The following RSPRY1 variants were observed in gnomAD, a reference collection of about 807,000 sequenced individuals.
RSPRY1 encodes the protein RING finger and SPRY domain-containing protein 1.
RSPRY1 carries 23 observed loss-of-function variants against 73.1 expected under a neutral mutation model. The ratio of observed to expected loss-of-function variants is 0.31; its 90% CI spans 0.23 to 0.45. The LOEUF (loss-of-function observed/expected upper bound fraction) is 0.45. Ranked by LOEUF, RSPRY1 falls within the 20% of genes least tolerant of loss-of-function variation. RSPRY1 has a pLI of 1.00. For synonymous variants in RSPRY1, 226 were observed against 251.4 expected (o/e 0.90, Z 0.95); for missense variants, 448 against 698.7 (o/e 0.64, Z 4.05).
chr16:57,225,120 A>G (rs1427124458), intron 10 of RSPRY1, among the ~76,000 whole-genome samples: 1 of 152,238 alleles, frequency 6.6e-6, no homozygotes, highest in African/African-American at 2.4e-5. Flanking sequence ...GTGCAGTGGC[A>G]CGTGATCTCT....
At chr16:57,208,379 TA>T (rs1202013912) in intron 3 of RSPRY1, among the ~76,000 whole-genome samples, 14 of 87,284 alleles carry the variant, frequency 1.6e-4, no homozygotes, top group South Asian at 4.0e-4. Context: ...AGATTATTTA[TA>T]TATATATATA....
intron 1 of RSPRY1, among the ~76,000 whole-genome samples, chr16:57,189,376 T>C (rs2074310478): frequency 6.6e-6 from 1 of 152,082 alleles, no homozygotes; most frequent in Admixed American, 6.6e-5. Flanking sequence ...GTCAGCAAAA[T>C]AACTTTTCAT....
chr16:57,239,039 G>T lies in RSPRY1; in HGVS notation c.*64G>T. ...TTCCAGCCAATGTTGAAAAGAAAAA[G>T]AAAAAAAAAACTCTCTAATCAGTTG... On this transcript the variant is annotated 3_prime_UTR_variant, in exon 15 of 15. Transcript: ENST00000394420. 13 of 754,226 alleles carry T rather than the reference G, an allele frequency of 1.7e-5. No homozygotes were observed. Among genetic ancestry groups the T allele is most frequent in the Admixed American group, 3.0e-5 (1 of 33,190 alleles). The allele number at this position is 754,226 out of a possible 1,614,324, so 46.7% of individuals were successfully genotyped here. A position where few individuals can be genotyped will look rare whatever the true frequency, so the allele number is the denominator to read the frequency against.
intron 11 of RSPRY1, among the ~76,000 whole-genome samples, chr16:57,229,690 CTTTTTTTTTTTTTTT>C (rs1162737560): frequency 1.4e-4 from 6 of 42,102 alleles, no homozygotes; most frequent in African/African-American, 5.9e-4. Context: ...AAGATAAATG[CTTTTTTTTTTTTTTT>C]TTTTTTTTTT....
In RSPRY1 at chr16:57,216,124, C is replaced by G; in HGVS notation, c.720C>G (p.Pro240=). ...TTTTTCAGAAGTTACAGTCCCACCC[C>G]ACAGTCATGCTTTTTGCACTTATCG... ...LLQCLKLQSH[P]TVMLFALIAL... The change falls in exon 7 of 15, where the codon CCC becomes CCG. Residue 240 remains proline (P), a synonymous_variant. Coordinates refer to ENST00000394420, the MANE Select transcript of RSPRY1 (RefSeq NM_133368.3). 1 of 1,612,064 alleles carries G rather than the reference C, an allele frequency of 6.2e-7. No homozygotes were observed. Among genetic ancestry groups the G allele is most frequent in the Non-Finnish European group, 8.5e-7 (1 of 1,178,952 alleles).
intron 4 of RSPRY1, among the ~76,000 whole-genome samples, chr16:57,212,056 A>C (rs2074853593): frequency 6.6e-6 from 1 of 152,222 alleles, no homozygotes; most frequent in Non-Finnish European, 1.5e-5. Context: ...TCATGCCTAT[A>C]ATCCCAAAAC....
intron 1 of RSPRY1, among the ~76,000 whole-genome samples, chr16:57,202,156 AAAAAAAT>A (rs1440334363): frequency 3.9e-5 from 6 of 151,966 alleles, no homozygotes; most frequent in African/African-American, 9.7e-5. Flanking sequence ...CCCCATCTCT[AAAAAAAT>A]AAAAAATAAA....
intron 3 of RSPRY1, among the ~76,000 whole-genome samples, chr16:57,208,393 TATA>T (rs1320507329): frequency 1.2e-3 from 129 of 106,780 alleles, no homozygotes; most frequent in East Asian, 4.3e-3. Context: ...TATATATATA[TATA>T]TATATTTTTT....
In RSPRY1 at chr16:57,220,735, T is replaced by C. The variant is rs1245842785; in HGVS notation, c.905T>C (p.Leu302Ser). The change falls in exon 9 of 15, where the codon TTA becomes TCA. Residue 302 changes from leucine (L) to serine (S), a missense_variant. Coordinates refer to ENST00000394420, the MANE Select transcript of RSPRY1 (RefSeq NM_133368.3). Reference protein sequence around the residue: ...CAQWSLDNLFLKEGRQLTYEK... With the variant: ...CAQWSLDNLFSKEGRQLTYEK... ...ATGAACACTCTTTCTTTTGCAGTTT[T>C]AAAAGAAGGTAGACAGCTGACCTAT... 2 of 1,604,914 alleles carry C rather than the reference T, an allele frequency of 1.2e-6. No individual in the cohort carries two copies. The highest frequency in any genetic ancestry group is 2.2e-5 in the East Asian group (1 of 44,810).
chr16:57,226,573 TA>T (rs1372689056), intron 10 of RSPRY1, among the ~76,000 whole-genome samples: 1 of 152,210 alleles, frequency 6.6e-6, no homozygotes, highest in Non-Finnish European at 1.5e-5. Flanking sequence ...CATGACATTG[TA>T]AAGTGTCATG....
chr16:57,236,318 A>G (rs2075298953), intron 14 of RSPRY1, among the ~76,000 whole-genome samples: 1 of 152,264 alleles, frequency 6.6e-6, no homozygotes, highest in African/African-American at 2.4e-5. Context: ...GTGCTGAAAT[A>G]TAAAACTTTA....
chr16:57,221,761 A>G (rs6499874), intron 10 of RSPRY1, among the ~76,000 whole-genome samples: 145,552 of 152,328 alleles, frequency 0.96, 69,571 homozygotes, highest in Middle Eastern at 0.99. Flanking sequence ...ATTACCTTGA[A>G]TTGAAGCTCT....
chr16:57,210,741 G>A (rs550861792), intron 4 of RSPRY1, among the ~76,000 whole-genome samples: 1 of 152,130 alleles, frequency 6.6e-6, no homozygotes, highest in East Asian at 1.9e-4. Context: ...ATTTAGGTTG[G>A]GCGCAGTGGC....
intron 12 of RSPRY1, 51 bp downstream of exon 12, chr16:57,230,864 T>A (rs773864146): frequency 2.9e-6 from 3 of 1,042,178 alleles, no homozygotes; most frequent in Admixed American, 1.9e-5. Flanking sequence ...GGAATGCCCT[T>A]TTCTCTAGGA....
At chr16:57,210,339 C>G (rs1279369545) in intron 4 of RSPRY1, among the ~76,000 whole-genome samples, 2 of 152,116 alleles carry the variant, frequency 1.3e-5, no homozygotes, top group Non-Finnish European at 2.9e-5. Flanking sequence ...CTTGGCTTCT[C>G]AAAGTGTTGG....
chr16:57,228,018 T>C (rs1442195735), intron 11 of RSPRY1, among the ~76,000 whole-genome samples: 1 of 152,128 alleles, frequency 6.6e-6, no homozygotes, highest in Non-Finnish European at 1.5e-5. Flanking sequence ...TTAGGCATGC[T>C]AAGAAAGCAG....
At chr16:57,207,308 T>G (rs2074744333) in intron 2 of RSPRY1, among the ~76,000 whole-genome samples, 2 of 151,826 alleles carry the variant, frequency 1.3e-5, no homozygotes, top group African/African-American at 4.8e-5. Flanking sequence ...TGACTTAAGA[T>G]GATAGTTTTT....
intron 4 of RSPRY1, among the ~76,000 whole-genome samples, chr16:57,212,021 C>T (rs1391052862): frequency 6.6e-6 from 1 of 152,218 alleles, no homozygotes; most frequent in Admixed American, 6.5e-5. Flanking sequence ...TTGCCTTCAA[C>T]TCTGTTGGGG....
chr16:57,238,962 C>T lies in RSPRY1; in HGVS notation c.1718C>T (p.Ser573Phe). ...ATAGTATCTAGAATCAGACAGATTT[C>T]TCATATTTCATGACACATGTGAAGA... ...KEIVSRIRQI[S>F]HIS Residue 573 changes from serine to phenylalanine, a missense_variant, in exon 15 of 15, where the codon TCT (serine) becomes TTT (phenylalanine). Coordinates refer to ENST00000394420, the MANE Select transcript of RSPRY1 (RefSeq NM_133368.3). The T allele has an allele frequency of 6.3e-7, 1 of 1,594,572 alleles. No individual in the cohort carries two copies. Among genetic ancestry groups the T allele is most frequent in the Non-Finnish European group, 8.6e-7 (1 of 1,165,616 alleles).
Sources: gnomAD v4.1 joint callset for allele counts (sites outside exome capture counted in the v4.1 genomes callset) on GRCh38, gnomAD v4.1.1 for gene constraint, MANE v1.5 for transcripts, NCBI Gene and HGNC (gene_info 2026-07-23, HGNC 2026-07-21) for gene names.